The following CRACD variants were observed in gnomAD, a reference collection of about 807,000 sequenced individuals.
CRACD encodes the protein capping protein-inhibiting regulator of actin dynamics.
In CRACD, 56 loss-of-function variants were observed where a neutral mutation model predicts 106.8. That is an observed-to-expected ratio of 0.52 (90% CI 0.42 to 0.66). The LOEUF (loss-of-function observed/expected upper bound fraction) is 0.66, where lower values mean the gene tolerates loss of function less well. Among genes scored for constraint, CRACD ranks in the 30% least tolerant of loss-of-function variants. CRACD has a pLI of 0.00. For missense variants in CRACD, 1,730 were observed against 1,623.2 expected (o/e 1.07, Z -1.13); for synonymous variants, 754 against 670.8 (o/e 1.12, Z -1.92).
chr4:56,159,521 G>A (rs1431622849), intron 1 of CRACD, among the ~76,000 whole-genome samples: 3 of 151,912 alleles, frequency 2.0e-5, no homozygotes, highest in East Asian at 2.0e-4. Flanking sequence ...GCGTGGTGGC[G>A]GGCGCCTGTA....
intron 2 of CRACD, among the ~76,000 whole-genome samples, chr4:56,205,211 C>T (rs903499783): frequency 4.6e-5 from 7 of 151,846 alleles, no homozygotes; most frequent in African/African-American, 7.3e-5. Context: ...TTTCCCATGC[C>T]CCCCCCGCCA....
chr4:56,063,796 T>C (rs141841632), intron 1 of CRACD, among the ~76,000 whole-genome samples: 1 of 152,344 alleles, frequency 6.6e-6, no homozygotes, highest in East Asian at 1.9e-4. Flanking sequence ...CTCTGAGTAA[T>C]GCTGCTATGA....
chr4:56,108,273 C>T (rs1272667456), intron 1 of CRACD, among the ~76,000 whole-genome samples: 1 of 152,152 alleles, frequency 6.6e-6, no homozygotes, highest in African/African-American at 2.4e-5. Context: ...CGGTATAATC[C>T]TGTATCATTA....
chr4:56,319,502 G>A (rs1053636271), intron 8 of CRACD, among the ~76,000 whole-genome samples: 1 of 152,046 alleles, frequency 6.6e-6, no homozygotes, highest in Admixed American at 6.6e-5. Context: ...TACTTGGGAG[G>A]CTGAGGTGGG....
intron 1 of CRACD, among the ~76,000 whole-genome samples, chr4:56,141,201 C>A (rs995839572): frequency 1.3e-5 from 2 of 152,168 alleles, no homozygotes; most frequent in Non-Finnish European, 1.5e-5. Context: ...TCAAACCCTG[C>A]ATACCAGAGA....
intron 1 of CRACD, among the ~76,000 whole-genome samples, chr4:56,174,396 A>G (rs1327386307): frequency 6.6e-6 from 1 of 152,110 alleles, no homozygotes; most frequent in Admixed American, 6.5e-5. Context: ...TATTCTATCT[A>G]ACTGTATTTT....
intron 1 of CRACD, among the ~76,000 whole-genome samples, chr4:56,096,142 GGC>G (rs1204977937): frequency 1.3e-5 from 2 of 152,130 alleles, no homozygotes; most frequent in Non-Finnish European, 2.9e-5. Flanking sequence ...ATGTAGAAAA[GGC>G]AGAGGAATAT....
intron 2 of CRACD, among the ~76,000 whole-genome samples, chr4:56,266,091 T>C (rs1742006983): frequency 6.6e-6 from 1 of 151,320 alleles, no homozygotes; most frequent in African/African-American, 2.4e-5. Context: ...CCTGAAGTAA[T>C]TATTGGATGA....
intron 2 of CRACD, among the ~76,000 whole-genome samples, chr4:56,187,477 T>A (rs746362758): frequency 6.6e-6 from 1 of 151,978 alleles, no homozygotes; most frequent in Non-Finnish European, 1.5e-5. Context: ...GAAAAATGAA[T>A]GCTTGATTTA....
intron 1 of CRACD, among the ~76,000 whole-genome samples, chr4:56,161,822 G>A (rs544917485): frequency 6.6e-6 from 1 of 150,724 alleles, no homozygotes; most frequent in South Asian, 2.1e-4. Context: ...GGAGTGCAGT[G>A]GCATGATCTC....
intron 1 of CRACD, among the ~76,000 whole-genome samples, chr4:56,078,711 G>A (rs1322475373): frequency 1.3e-5 from 2 of 152,116 alleles, no homozygotes; most frequent in Admixed American, 6.5e-5. Context: ...CCACTGCACC[G>A]GGCACCTTTA....
chr4:56,245,710 G>A (rs1188635221), intron 2 of CRACD, among the ~76,000 whole-genome samples: 1 of 152,152 alleles, frequency 6.6e-6, no homozygotes, highest in Non-Finnish European at 1.5e-5. Flanking sequence ...ACTGTTTCCT[G>A]AAGTCAGATA....
At chr4:56,173,868 G>T (rs2109426154) in intron 1 of CRACD, among the ~76,000 whole-genome samples, 1 of 152,208 alleles carries the variant, frequency 6.6e-6, no homozygotes, top group Middle Eastern at 3.4e-3. Flanking sequence ...CAATTTTTCT[G>T]CATCCTCACC....
At chr4:56,074,120 T>G (rs1732755768) in intron 1 of CRACD, among the ~76,000 whole-genome samples, 2 of 138,800 alleles carry the variant, frequency 1.4e-5, no homozygotes, top group Admixed American at 1.4e-4. Flanking sequence ...GGTAGCATGA[T>G]GCCTCTAGCT....
At chr4:56,301,990 C>G (rs1024620820) in intron 4 of CRACD, among the ~76,000 whole-genome samples, 59 of 152,068 alleles carry the variant, frequency 3.9e-4, no homozygotes, top group African/African-American at 1.1e-3. Flanking sequence ...CAGAGTCGCT[C>G]TGTGGCCAGT....
chr4:56,314,193 C>T lies in CRACD; in HGVS notation c.691C>T (p.Leu231=), dbSNP rs1227904771. 6.2e-7 allele frequency: 1 copy of T among 1,612,474 alleles called. No individual in the cohort carries two copies. The highest frequency in any genetic ancestry group is 1.1e-5 in the South Asian group (1 of 90,828). ...RRRQEDYWRE[L]EAKCKRQKAE... is the part of the protein sequence containing the mutation. ...ACGCCAAGAAGACTACTGGCGAGAA[C>T]TGGAGGCCAAGTGCAAGCGGCAAAA... is the stretch of plus-strand genomic sequence containing the variant. The change falls in exon 8 of 11, where the codon CTG becomes TTG. Residue 231 remains leucine, a synonymous_variant. Transcript: ENST00000682029. The surrounding 1 kb of genome is among the most constrained non-coding windows in gnomAD (Gnocchi z 4.4).
chr4:56,057,191 A>T (rs1732103465), intron 1 of CRACD, among the ~76,000 whole-genome samples: 1 of 152,142 alleles, frequency 6.6e-6, no homozygotes, highest in Admixed American at 6.5e-5. Context: ...CATTTTACTG[A>T]TGAGAAGGCT....
At chr4:56,303,714 G>A (rs189642617) in intron 4 of CRACD, among the ~76,000 whole-genome samples, 16 of 152,310 alleles carry the variant, frequency 1.1e-4, no homozygotes, top group Non-Finnish European at 1.3e-4. Context: ...CTGTAGGGGC[G>A]AGGCCTTGGC....
At chr4:56,263,884 G>T (rs1057129415) in intron 2 of CRACD, among the ~76,000 whole-genome samples, 1 of 152,082 alleles carries the variant, frequency 6.6e-6, no homozygotes, top group African/African-American at 2.4e-5. Context: ...ATTTCATCAC[G>T]TTGAGTTGTG....
Sources: gnomAD v4.1 joint callset for allele counts (sites outside exome capture counted in the v4.1 genomes callset) on GRCh38, gnomAD v4.1.1 for gene constraint, Gnocchi (gnomAD v3.1) non-coding constraint, MANE v1.5 for transcripts, NCBI Gene and HGNC (gene_info 2026-07-23, HGNC 2026-07-21) for gene names.